NT5DC3: variants seen among roughly 807,000 people sequenced by gnomAD.
NT5DC3 encodes 5'-nucleotidase domain containing 3.
Under a neutral mutation model 67.8 loss-of-function variants are expected in NT5DC3, and 42 were observed. The ratio of observed to expected loss-of-function variants is 0.62; its 90% CI spans 0.48 to 0.80. The LOEUF is 0.80. Ranked by LOEUF, NT5DC3 falls within the 30% of genes least tolerant of loss-of-function variation. The probability of loss-of-function intolerance (pLI) is 0.00; values close to 1 mark genes in which losing one functional copy is unlikely to be tolerated. For synonymous variants in NT5DC3, 237 were observed against 255.6 expected (o/e 0.93, Z 0.69); for missense variants, 570 against 696.4 (o/e 0.82, Z 2.04).
chr12:103,784,779 C>A (rs1885695764), intron 12 of NT5DC3, among the ~76,000 whole-genome samples: 1 of 152,168 alleles, frequency 6.6e-6, no homozygotes, highest in African/African-American at 2.4e-5. Context: ...CACTTACCAG[C>A]CAAAACTGGC....
In NT5DC3 at chr12:103,791,695, G is replaced by A. The variant is rs914327004; in HGVS notation, c.1019+1469C>T. ...ACCAGTCCAAGGTCTGTTAGGAACCGGGCCGCACAGCAGGAGGCGAGCGTC... is the reference window on the plus strand; with the variant it reads ...ACCAGTCCAAGGTCTGTTAGGAACCAGGCCGCACAGCAGGAGGCGAGCGTC... On this transcript the variant is annotated intron_variant, in intron 9 of 13. Coordinates refer to ENST00000392876, the MANE Select transcript of NT5DC3 (RefSeq NM_001031701.3). Among the ~76,000 whole-genome samples, 3 of 152,172 alleles carry A rather than the reference G, an allele frequency of 2.0e-5. No homozygotes were observed. The East Asian group carries it at 5.8e-4, about 29-fold the overall frequency.
chr12:103,766,190 G>C, downstream of NT5DC3: 1 of 1,497,526 alleles, frequency 6.7e-7, no homozygotes, highest in South Asian at 1.1e-5. Context: ...ACAGTGCTCA[G>C]GGAGAGTCAT....
chr12:103,830,829 A>G (rs1166813963), intron 1 of NT5DC3, among the ~76,000 whole-genome samples: 1 of 152,174 alleles, frequency 6.6e-6, no homozygotes, highest in Non-Finnish European at 1.5e-5. Flanking sequence ...AGCACTACAT[A>G]TATTCTTTAC....
intron 4 of NT5DC3, among the ~76,000 whole-genome samples, chr12:103,802,996 G>C (rs1169858420): frequency 6.6e-6 from 1 of 152,190 alleles, no homozygotes; most frequent in African/African-American, 2.4e-5. Flanking sequence ...CCAGGATGGA[G>C]TGCCCTGCAG....
the NT5DC3 span, chr12:103,748,870 A>C: frequency 2.2e-6 from 3 of 1,339,672 alleles, no homozygotes; most frequent in African/African-American, 2.9e-5. Context: ...TACTCACCCA[A>C]CACCACTAGT....
At position 103,801,809 on chromosome 12, in the gene NT5DC3, G is replaced by A. The variant is rs1467263185; in HGVS notation, c.525-3132C>T. 7.2e-5 allele frequency among the ~76,000 whole-genome samples: 11 copies of A among 152,260 alleles called. No individual in the cohort carries two copies. In the South Asian group the frequency reaches 1.7e-3, roughly 23 times the overall value. ...GTGCTAAGAATGGAAATGGCCACAC[G>A]CAAGGCTCAGTGGACTAAACCCCGT... is the stretch of plus-strand genomic sequence containing the variant. On this transcript the variant is annotated intron_variant, in intron 4 of 13. Coordinates refer to ENST00000392876, the MANE Select transcript of NT5DC3 (RefSeq NM_001031701.3).
chr12:103,776,581 GA>G lies in NT5DC3; in HGVS notation c.*1247del, dbSNP rs1280551297. 6.7e-6 allele frequency: 1 copy of G among 149,578 alleles called. No individual in the cohort carries two copies. The highest frequency in any genetic ancestry group is 1.5e-5 in the Non-Finnish European group (1 of 67,710). 9.3% of individuals were successfully genotyped at this position (149,578 alleles called of 1,614,324 possible). A position where few individuals can be genotyped will look rare whatever the true frequency, so the allele number is the denominator to read the frequency against. Reference sequence around the variant, plus strand: ...AACAAAACAAAACAGAAGGAAATGAGAAAAGCTTGGTTAGCTAGGTCATATC... The same window carrying G: ...AACAAAACAAAACAGAAGGAAATGAGAAAGCTTGGTTAGCTAGGTCATATC... On this transcript the variant is annotated 3_prime_UTR_variant, in exon 14 of 14. Transcript: ENST00000392876.
At chr12:103,814,100 G>A (rs1212261054) in intron 2 of NT5DC3, among the ~76,000 whole-genome samples, 3 of 152,158 alleles carry the variant, frequency 2.0e-5, no homozygotes, top group Non-Finnish European at 4.4e-5. Context: ...CGTGACCGAC[G>A]ACCCCACTGG....
intron 4 of NT5DC3, among the ~76,000 whole-genome samples, chr12:103,805,309 G>A (rs1479788894): frequency 6.6e-6 from 1 of 152,174 alleles, no homozygotes; most frequent in African/African-American, 2.4e-5. Context: ...TAGGGGCAGA[G>A]GGGAGCACAG....
intron 4 of NT5DC3, among the ~76,000 whole-genome samples, chr12:103,801,220 G>T (rs184672089): frequency 4.1e-4 from 63 of 151,974 alleles, no homozygotes; most frequent in African/African-American, 1.4e-3. Flanking sequence ...TAGAAACAAA[G>T]CGTCCCTTAG....
At chr12:103,759,226 C>A in the NT5DC3 span, 1 of 1,613,978 alleles carries the variant, frequency 6.2e-7, no homozygotes. Flanking sequence ...GCAAACGAGG[C>A]TGGGAAGCAA....
In NT5DC3 at chr12:103,777,625, G is replaced by A. The variant is rs1885384696; in HGVS notation, c.*204C>T. 1 of 601,838 alleles carries A rather than the reference G, an allele frequency of 1.7e-6. No individual in the cohort carries two copies. The highest frequency in any genetic ancestry group is 1.8e-5 in the African/African-American group (1 of 54,338). The allele number at this position is 601,838 out of a possible 1,614,324, so 37.3% of individuals were successfully genotyped here. ...GTTCCAATGTGAAGCTTGCCTTTCA[G>A]CCCTGCATGGGGGGAAAGGCTGGAG... On this transcript the variant is annotated 3_prime_UTR_variant, in exon 14 of 14. Transcript: ENST00000392876.
At chr12:103,758,350 G>C in the NT5DC3 span, 1 of 1,598,522 alleles carries the variant, frequency 6.3e-7, no homozygotes, top group South Asian at 1.1e-5. Context: ...CCACAACAAT[G>C]CTGTGTCACA....
At chr12:103,822,654 ATTC>A (rs1887539426) in intron 1 of NT5DC3, among the ~76,000 whole-genome samples, 1 of 152,096 alleles carries the variant, frequency 6.6e-6, no homozygotes, top group Admixed American at 6.6e-5. Flanking sequence ...GGGGTGTTCT[ATTC>A]TTGTTTTGTC....
chr12:103,801,298 A>T (rs1886564330), intron 4 of NT5DC3, among the ~76,000 whole-genome samples: 1 of 150,866 alleles, frequency 6.6e-6, no homozygotes, highest in African/African-American at 2.4e-5. Context: ...AAGAAAAGTG[A>T]CATTTCTGCA....
intron 5 of NT5DC3, 137 bp from the exon 6 acceptor site, chr12:103,797,168 A>G: frequency 2.2e-6 from 2 of 930,058 alleles, no homozygotes; most frequent in Non-Finnish European, 3.2e-6. Context: ...GGAAAGTTCT[A>G]ATAATAAAAA....
At position 103,810,174 on chromosome 12, in the gene NT5DC3, G is replaced by C. The variant is rs138553867; in HGVS notation, c.394-3245C>G. ...CTGCTACTCTCCTGTATGACTTTAG[G>C]TAAGTCTTCTCCAAGGCCTCTTCTA... On this transcript the variant is annotated intron_variant, in intron 2 of 13. Coordinates refer to ENST00000392876, the MANE Select transcript of NT5DC3 (RefSeq NM_001031701.3). Among the ~76,000 whole-genome samples, 5 of 152,240 alleles carry C rather than the reference G, an allele frequency of 3.3e-5. No individual in the cohort carries two copies. The East Asian group carries it at 9.7e-4, about 29-fold the overall frequency.
At chr12:103,763,547 C>T in the NT5DC3 span, 15 of 1,613,978 alleles carry the variant, frequency 9.3e-6, no homozygotes, top group Admixed American at 1.7e-5. Flanking sequence ...GAGAATATCT[C>T]GAACCCCTTG....
chr12:103,808,212 T>C (rs1886884915), intron 2 of NT5DC3, among the ~76,000 whole-genome samples: 1 of 152,200 alleles, frequency 6.6e-6, no homozygotes, highest in Admixed American at 6.5e-5. Context: ...ATCCCCATTT[T>C]ATTCAGAGGG....
Sources: allele counts gnomAD v4.1 joint callset (sites outside exome capture counted in the v4.1 genomes callset), GRCh38; gene constraint gnomAD v4.1.1; transcripts MANE v1.5; gene names NCBI Gene and HGNC (gene_info 2026-07-23, HGNC 2026-07-21).